Variants in RABEP2 observed in about 807,000 individuals in gnomAD.
RABEP2 encodes rab GTPase-binding effector protein 2.
A neutral mutation model predicts 74.1 loss-of-function variants in RABEP2; 57 were observed. The ratio of observed to expected loss-of-function variants is 0.77; its 90% CI spans 0.62 to 0.96. RABEP2 has a LOEUF of 0.96. RABEP2 is among the 40% of genes least tolerant of loss of function. The probability of loss-of-function intolerance (pLI) is 0.00; values close to 1 mark genes in which losing one functional copy is unlikely to be tolerated. For synonymous variants in RABEP2, 351 were observed against 344.0 expected (o/e 1.02, Z -0.23); for missense variants, 692 against 756.3 (o/e 0.91, Z 1.00).
Position 28,910,816 on chromosome 16 carries a change from C to A in RABEP2, c.1089+72G>T, listed in dbSNP as rs925467101. 8.2e-6 allele frequency: 11 copies of A among 1,341,414 alleles called. No homozygotes were observed. In the Admixed American group the frequency reaches 1.7e-4, roughly 20 times the overall value. The allele number at this position is 1,341,414 out of a possible 1,614,324, so 83.1% of individuals were successfully genotyped here. ...ACAGGTTCCTTGACTTCCCACGTGC[C>A]CCCTTCCACCACGTGCAACTGATTC... On this transcript the variant is annotated intron_variant, in intron 7 of 12. Transcript: ENST00000358201.
chr16:28,917,607 A>G (rs572263351), intron 3 of RABEP2, among the ~76,000 whole-genome samples: 2 of 152,264 alleles, frequency 1.3e-5, no homozygotes, highest in South Asian at 4.1e-4. Flanking sequence ...TTTTTAGTAG[A>G]GACGGGGTTT....
chr16:28,904,673 C>G lies in RABEP2; in HGVS notation c.*270G>C. 2 of 693,566 alleles carry G rather than the reference C, an allele frequency of 2.9e-6. No individual in the cohort carries two copies. Among genetic ancestry groups the G allele is most frequent in the Non-Finnish European group, 4.5e-6 (2 of 443,178 alleles). The allele number at this position is 693,566 out of a possible 1,614,324, so 43.0% of individuals were successfully genotyped here. A position where few individuals can be genotyped will look rare whatever the true frequency, so the allele number is the denominator to read the frequency against. On this transcript the variant is annotated 3_prime_UTR_variant, in exon 13 of 13. Coordinates refer to ENST00000358201, the MANE Select transcript of RABEP2 (RefSeq NM_024816.3). ...GAGGGCTGGAGCCCAGGAGGCAGCA[C>G]AGCAGCCAGAAAGCCGCAGGCCTGA... is the stretch of plus-strand genomic sequence containing the variant.
intron 5 of RABEP2, among the ~76,000 whole-genome samples, chr16:28,912,605 G>A (rs1964330428): frequency 6.6e-6 from 1 of 151,854 alleles, no homozygotes; most frequent in African/African-American, 2.4e-5. Flanking sequence ...GTAGGACAGG[G>A]TTTCATCATG....
At chr16:28,905,231 C>A (rs1233847426) in intron 12 of RABEP2, among the ~76,000 whole-genome samples, 166 bp downstream of exon 12, 1 of 152,174 alleles carries the variant, frequency 6.6e-6, no homozygotes. Context: ...CTGACCAAGG[C>A]TCACATGAGA....
Position 28,906,486 on chromosome 16 carries a change from C to A in RABEP2, c.1246-290G>T, listed in dbSNP as rs143420535. ...ATTACCTACAGCAAGAGCCCCTTGC[C>A]GGGCGCGGTGGCTCACACCTGCAAT... On this transcript the variant is annotated intron_variant, in intron 8 of 12. Transcript: ENST00000358201. Among the ~76,000 whole-genome samples the A allele has an allele frequency of 4.8e-3, 734 of 152,132 alleles. 6 individuals carry two copies. The highest frequency in any genetic ancestry group is 8.3e-3 in the Non-Finnish European group (563 of 67,972).
intron 3 of RABEP2, chr16:28,919,575 G>A: frequency 2.4e-6 from 1 of 421,342 alleles, no homozygotes; most frequent in Non-Finnish European, 4.1e-6. Context: ...AGTTAATTTT[G>A]GAGCTAAGCG....
chr16:28,913,567 C>T (rs909241079), intron 5 of RABEP2, among the ~76,000 whole-genome samples: 23 of 151,310 alleles, frequency 1.5e-4, no homozygotes, highest in South Asian at 2.1e-4. Flanking sequence ...CTGCAACCTC[C>T]GCCTCCCCAG....
intron 3 of RABEP2, among the ~76,000 whole-genome samples, chr16:28,917,540 C>T (rs1217036734): frequency 6.6e-6 from 1 of 152,250 alleles, no homozygotes; most frequent in African/African-American, 2.4e-5. Context: ...CTGCCTCAGT[C>T]TTCCGAGTAG....
At position 28,906,109 on chromosome 16, in the gene RABEP2, C is replaced by T. The variant is rs1277614843; in HGVS notation, c.1333G>A (p.Glu445Lys). The change falls in exon 9 of 13, where the codon GAG becomes AAG. Residue 445 changes from glutamate (E) to lysine (K), a missense_variant. Physicochemically the swap from Glu to Lys is moderately conservative, Grantham distance 56. Coordinates refer to ENST00000358201, the MANE Select transcript of RABEP2 (RefSeq NM_024816.3). ...QEHGAERLRI[E>K]IVTLREALEE... ...AGAGCCTCCCGCAGCGTCACGATCT[C>T]GATCCGCAGGCGCTCGGCCCCGTGC... is the stretch of plus-strand genomic sequence containing the variant. 2.5e-6 allele frequency: 4 copies of T among 1,594,832 alleles called. No individual in the cohort carries two copies. Among genetic ancestry groups the T allele is most frequent in the South Asian group, 2.2e-5 (2 of 88,890 alleles).
chr16:28,920,568 T>C (rs947811430), intron 2 of RABEP2, among the ~76,000 whole-genome samples: 1 of 152,000 alleles, frequency 6.6e-6, no homozygotes, highest in Non-Finnish European at 1.5e-5. Context: ...CTATTTTTAG[T>C]AGAGACGGGG....
At chr16:28,917,215 G>A (rs959346238) in intron 3 of RABEP2, among the ~76,000 whole-genome samples, 11 of 151,978 alleles carry the variant, frequency 7.2e-5, no homozygotes, top group African/African-American at 1.9e-4. Context: ...TCCTCTAACC[G>A]TAGATACCCA....
chr16:28,905,538 G>C (rs1964213497), intron 11 of RABEP2, 25 bp from the exon 12 acceptor site: 2 of 1,601,168 alleles, frequency 1.2e-6, no homozygotes, highest in African/African-American at 2.7e-5. Flanking sequence ...ACCACACTGA[G>C]CTGGGCCTGG....
rs1249725060 is a variant in RABEP2, at chr16:28,924,447, C to T, written c.230G>A (p.Arg77Gln). Residue 77 changes from arginine (R) to glutamine (Q), a missense_variant, in exon 2 of 13, where the codon CGG (arginine) becomes CAG (glutamine). Transcript: ENST00000358201. The stretch of plus-strand genomic sequence containing the variant: ...CGAGGCCACCTCCTCTTGGCACTGC[C>T]GCTGCACCGCAGCCACAGCCTCGGC... ...TKAEAVAAVQ[R>Q]QCQEEVASLQ... 6.2e-7 allele frequency: 1 copy of T among 1,613,622 alleles called. No individual in the cohort carries two copies. The highest frequency in any genetic ancestry group is 2.2e-5 in the East Asian group (1 of 44,884).
chr16:28,924,278 G>T, intron 2 of RABEP2, 125 bp downstream of exon 2: 1 of 923,516 alleles, frequency 1.1e-6, no homozygotes, highest in Non-Finnish European at 1.6e-6. Context: ...TGGGCCATAG[G>T]CATGCCCTGT....
In RABEP2 at chr16:28,911,052, C is replaced by T. The variant is rs201755918; in HGVS notation, c.990+32G>A. 3.5e-3 allele frequency: 5,303 copies of T among 1,514,038 alleles called. 16 individuals are homozygous for T. The highest frequency in any genetic ancestry group is 4.5e-3 in the Non-Finnish European group (4,963 of 1,091,778). 93.8% of individuals were successfully genotyped at this position (1,514,038 alleles called of 1,614,324 possible). Reference sequence around the variant, plus strand: ...CAGGGGGCGGCAGGTAGCCAGAGGCCGGCTGGGGCTGCAGCAGCGGCAGGG... The same window carrying T: ...CAGGGGGCGGCAGGTAGCCAGAGGCTGGCTGGGGCTGCAGCAGCGGCAGGG... On this transcript the variant is annotated intron_variant, in intron 6 of 12. Transcript: ENST00000358201.
At chr16:28,925,032 C>T in intron 1 of RABEP2, 71 bp downstream of exon 1, 1 of 1,450,580 alleles carries the variant, frequency 6.9e-7, no homozygotes, top group Non-Finnish European at 9.4e-7. Context: ...CACCCCCCAT[C>T]CGCAGGTGGC....
intron 1 of RABEP2, 115 bp from the exon 2 acceptor site, chr16:28,924,730 G>C (rs1964511121): frequency 1.0e-6 from 1 of 987,790 alleles, no homozygotes; most frequent in Non-Finnish European, 1.5e-6. Context: ...CTTCACCTGG[G>C]CCCGCCCGGC....
At chr16:28,915,083 T>C (rs1270445226) in intron 3 of RABEP2, among the ~76,000 whole-genome samples, 1 of 145,916 alleles carries the variant, frequency 6.9e-6, no homozygotes, top group Non-Finnish European at 1.5e-5. Context: ...TTTTTTGAGA[T>C]GGAGTCTTGC....
intron 2 of RABEP2, 81 bp from the exon 3 acceptor site, chr16:28,920,024 GCAC>G (rs1277557422): frequency 7.1e-7 from 1 of 1,400,512 alleles, no homozygotes; most frequent in African/African-American, 1.4e-5. Context: ...GACTCTTGAT[GCAC>G]TGACTCTTTC....
Sources: gnomAD v4.1 joint callset for allele counts (sites outside exome capture counted in the v4.1 genomes callset) on GRCh38, gnomAD v4.1.1 for gene constraint, MANE v1.5 for transcripts, NCBI Gene and HGNC (gene_info 2026-07-23, HGNC 2026-07-21) for gene names.